FA2H: variants seen among roughly 807,000 people sequenced by gnomAD.
FA2H encodes the protein fatty acid 2-hydroxylase.
A neutral mutation model predicts 44.9 loss-of-function variants in FA2H; 22 were observed. The observed-to-expected ratio is 0.49, with a 90% confidence interval of 0.35 to 0.70. The LOEUF (loss-of-function observed/expected upper bound fraction) is 0.70, where lower values mean the gene tolerates loss of function less well. Among genes scored for constraint, FA2H ranks in the 30% least tolerant of loss-of-function variants. FA2H has a pLI of 0.01. For missense variants in FA2H, 501 were observed against 504.9 expected (o/e 0.99, Z 0.07); for synonymous variants, 243 against 213.2 (o/e 1.14, Z -1.22).
intron 4 of FA2H, among the ~76,000 whole-genome samples, chr16:74,723,411 C>T (rs961781612): frequency 4.6e-5 from 7 of 152,124 alleles, no homozygotes; most frequent in African/African-American, 1.7e-4. Context: ...TGCTGACGAC[C>T]GAAGCTCTAC....
intron 2 of FA2H, among the ~76,000 whole-genome samples, chr16:74,730,958 C>CT (rs1962060142): frequency 6.6e-6 from 1 of 152,168 alleles, no homozygotes; most frequent in Non-Finnish European, 1.5e-5. Context: ...ATCTTGGGCC[C>CT]TGGAAATACT....
chr16:74,727,667 A>G (rs1961988307), intron 2 of FA2H, among the ~76,000 whole-genome samples: 1 of 152,220 alleles, frequency 6.6e-6, no homozygotes, highest in African/African-American at 2.4e-5. Context: ...TCGGCAGGGC[A>G]TGAGCCTGGA....
chr16:74,760,426 G>C (rs147948039), intron 1 of FA2H, among the ~76,000 whole-genome samples: 5 of 152,312 alleles, frequency 3.3e-5, no homozygotes, highest in African/African-American at 4.8e-5. Flanking sequence ...AAGCGCCTGT[G>C]ATGGCAGGTA....
Position 74,727,230 on chromosome 16 carries a change from A to G in FA2H, c.506+14T>C. On this transcript the variant is annotated intron_variant, in intron 3 of 6. Coordinates refer to ENST00000219368, the MANE Select transcript of FA2H (RefSeq NM_024306.5). ...GAGAGGGACAGCCTGCCACAGGCTC[A>G]GGGAAGAGCTCACCAGACAGTCTTA... 2 of 1,613,944 alleles carry G rather than the reference A, an allele frequency of 1.2e-6. No homozygotes were observed. The highest frequency in any genetic ancestry group is 2.2e-5 in the South Asian group (2 of 91,076).
intron 1 of FA2H, among the ~76,000 whole-genome samples, chr16:74,758,720 G>A (rs1457262949): frequency 6.6e-6 from 1 of 152,168 alleles, no homozygotes; most frequent in Non-Finnish European, 1.5e-5. Flanking sequence ...GAGGCCAGGA[G>A]CTCGAGACTA....
intron 2 of FA2H, among the ~76,000 whole-genome samples, chr16:74,734,198 T>G (rs1962136402): frequency 6.6e-6 from 1 of 152,152 alleles, no homozygotes; most frequent in Non-Finnish European, 1.5e-5. Flanking sequence ...CAGGCCACAC[T>G]GATGATGCCT....
chr16:74,719,408 A>G (rs906921740), intron 4 of FA2H, among the ~76,000 whole-genome samples: 3 of 152,232 alleles, frequency 2.0e-5, no homozygotes, highest in South Asian at 2.1e-4. Context: ...TCCTCCTTAC[A>G]GAGGCTGTGG....
At chr16:74,748,150 C>G (rs898056679) in intron 1 of FA2H, among the ~76,000 whole-genome samples, 1 of 152,220 alleles carries the variant, frequency 6.6e-6, no homozygotes, top group Non-Finnish European at 1.5e-5. Flanking sequence ...CCACTGCTGC[C>G]CATCTGCAGC....
intron 1 of FA2H, among the ~76,000 whole-genome samples, chr16:74,743,629 G>A (rs773017321): frequency 6.6e-6 from 1 of 152,226 alleles, no homozygotes; most frequent in Non-Finnish European, 1.5e-5. Context: ...GAGGAAAAGA[G>A]GGACAAAGGG....
intron 5 of FA2H, among the ~76,000 whole-genome samples, chr16:74,718,504 C>T (rs760210740): frequency 5.3e-5 from 8 of 152,128 alleles, no homozygotes; most frequent in South Asian, 2.1e-4. Context: ...GAATGGGGTA[C>T]GACATCCTGG....
chr16:74,718,027 C>G (rs542493611), intron 5 of FA2H, among the ~76,000 whole-genome samples: 1 of 152,234 alleles, frequency 6.6e-6, no homozygotes, highest in Admixed American at 6.5e-5. Flanking sequence ...GACTGGGCAC[C>G]CACCCTGATA....
chr16:74,717,233 G>C (rs927249759), intron 5 of FA2H: 1 of 152,460 alleles, frequency 6.6e-6, no homozygotes, highest in African/African-American at 2.4e-5. Context: ...ATAGAGGTGA[G>C]ATCTTAGCTA....
intron 1 of FA2H, among the ~76,000 whole-genome samples, chr16:74,761,318 C>A (rs1962704100): frequency 6.6e-6 from 1 of 151,738 alleles, no homozygotes; most frequent in Non-Finnish European, 1.5e-5. Flanking sequence ...CCGGGCATGG[C>A]GGCATACACC....
At chr16:74,715,248 C>G (rs1392089230) in intron 6 of FA2H, among the ~76,000 whole-genome samples, 1 of 151,986 alleles carries the variant, frequency 6.6e-6, no homozygotes, top group Admixed American at 6.6e-5. Context: ...GTACAAAATA[C>G]ACCTTAGATT....
Position 74,774,529 on chromosome 16 carries a change from C to T in FA2H, c.227G>A (p.Trp76Ter), listed in dbSNP as rs1225330805. 1.3e-6 allele frequency: 2 copies of T among 1,545,466 alleles called. No individual in the cohort carries two copies. The highest frequency in any genetic ancestry group is 8.7e-7 in the Non-Finnish European group (1 of 1,155,400). Residue 76 changes from tryptophan (W) to a stop codon, truncating the protein, a stop_gained, in exon 1 of 7, where the codon TGG (tryptophan) becomes TAG (stop). Coordinates refer to ENST00000219368, the MANE Select transcript of FA2H (RefSeq NM_024306.5). LOFTEE classifies it high-confidence loss of function. ...CTCTCCCACGTAGTACTGCTCCAGCCAGCGGCGCGCGTTGGCCGAGTGCCT... is the reference window on the plus strand; with the variant it reads ...CTCTCCCACGTAGTACTGCTCCAGCTAGCGGCGCGCGTTGGCCGAGTGCCT... ...PHRHSANARR[W>*]LEQYYVGELR... is the part of the protein sequence containing the mutation.
intron 1 of FA2H, among the ~76,000 whole-genome samples, chr16:74,762,428 C>T (rs1268328478): frequency 6.6e-6 from 1 of 152,246 alleles, no homozygotes; most frequent in Non-Finnish European, 1.5e-5. Flanking sequence ...ATCAGTGCAA[C>T]ACTGCGAACT....
intron 1 of FA2H, among the ~76,000 whole-genome samples, chr16:74,744,330 C>T (rs1962373213): frequency 6.6e-6 from 1 of 152,084 alleles, no homozygotes; most frequent in Non-Finnish European, 1.5e-5. Flanking sequence ...AAAAGGTTCT[C>T]CTGGTCCTGG....
At chr16:74,765,159 C>CTT (rs11411146) in intron 1 of FA2H, among the ~76,000 whole-genome samples, 304 of 147,110 alleles carry the variant, frequency 2.1e-3, no homozygotes, top group African/African-American at 5.3e-3. Flanking sequence ...TTTTCTTAAT[C>CTT]TTTTTTTTTT....
At chr16:74,753,900 T>C (rs563590743) in intron 1 of FA2H, among the ~76,000 whole-genome samples, 1 of 152,340 alleles carries the variant, frequency 6.6e-6, no homozygotes, top group Non-Finnish European at 1.5e-5. Flanking sequence ...TATAATCTTT[T>C]AAAAATATAA....
Sources: allele counts gnomAD v4.1 joint callset (sites outside exome capture counted in the v4.1 genomes callset), GRCh38; gene constraint gnomAD v4.1.1; transcripts MANE v1.5; gene names NCBI Gene and HGNC (gene_info 2026-07-23, HGNC 2026-07-21).